SPATA13: variants seen among roughly 807,000 people sequenced by gnomAD.
The protein encoded by SPATA13 is spermatogenesis associated 13, also known as spermatogenesis-associated protein 13.
Under a neutral mutation model 104.0 loss-of-function variants are expected in SPATA13, and 50 were observed. That is an observed-to-expected ratio of 0.48 (90% CI 0.38 to 0.61). The LOEUF is 0.61. Ranked by LOEUF, SPATA13 falls within the 20% of genes least tolerant of loss-of-function variation. The pLI, the probability that SPATA13 is intolerant of heterozygous loss-of-function variation, is 0.00. For synonymous variants in SPATA13, 606 were observed against 667.5 expected, an observed-to-expected ratio of 0.91 and a Z score of 1.42; for missense variants, 1,524 against 1,690.6, an observed-to-expected ratio of 0.90 and a Z score of 1.73.
At chr13:24,015,039 C>T (rs896535702) in intron 2 of SPATA13, among the ~76,000 whole-genome samples, 4 of 151,810 alleles carry the variant, frequency 2.6e-5, no homozygotes, top group Admixed American at 1.3e-4. Context: ...TACAGGTACC[C>T]GCCACCACGC....
upstream of SPATA13, chr13:23,979,803 G>T: frequency 6.5e-6 from 1 of 152,768 alleles, no homozygotes; most frequent in Non-Finnish European, 1.5e-5. Flanking sequence ...CATGGGGGCG[G>T]CGCGCACCCG....
chr13:24,306,490 A>G lies in SPATA13; in HGVS notation c.*3717A>G, dbSNP rs1451666077. 1.3e-5 allele frequency: 2 copies of G among 152,254 alleles called. No homozygotes were observed. Among genetic ancestry groups the G allele is most frequent in the African/African-American group, 2.4e-5 (1 of 41,468 alleles). 9.4% of individuals were successfully genotyped at this position (152,254 alleles called of 1,614,324 possible). ...GGCCAGAAATGGAGGACCCAAGTCA[A>G]CTAGGTGAAACTACTAGCAGACCCA... On this transcript the variant is annotated 3_prime_UTR_variant, in exon 13 of 13. Transcript: ENST00000382108.
chr13:24,118,748 T>C (rs1880934992), intron 3 of SPATA13, among the ~76,000 whole-genome samples: 1 of 152,172 alleles, frequency 6.6e-6, no homozygotes, highest in South Asian at 2.1e-4. Context: ...TCTGCAGCCC[T>C]GGTGTGGTGC....
chr13:24,030,066 GCACA>G (rs57708966), intron 3 of SPATA13, among the ~76,000 whole-genome samples: 35,030 of 145,058 alleles, frequency 0.24, 4,308 homozygotes, highest in Admixed American at 0.29. Context: ...ACACACACAC[GCACA>G]CACACACACA....
intron 2 of SPATA13, among the ~76,000 whole-genome samples, chr13:24,009,197 C>T (rs1876362542): frequency 1.3e-5 from 2 of 152,218 alleles, no homozygotes; most frequent in South Asian, 2.1e-4. Flanking sequence ...GCATCCCAGA[C>T]ATCACCATGT....
At chr13:24,284,382 C>T in intron 5 of SPATA13, 111 bp downstream of exon 5, 1 of 1,187,298 alleles carries the variant, frequency 8.4e-7, no homozygotes, top group Admixed American at 2.7e-5. Context: ...GTCCGAAAAC[C>T]TGGAACTCTG....
chr13:24,155,045 C>T lies in SPATA13; in HGVS notation c.-111-67774C>T, dbSNP rs747295836. 1.4e-4 allele frequency among the ~76,000 whole-genome samples: 21 copies of T among 152,190 alleles called. No individual in the cohort carries two copies. The South Asian group carries it at 2.3e-3, about 17-fold the overall frequency. ...GCTGGTTTTTGTGTTTTTACTAGAG[C>T]CAGGGTTTCACCATGTTGGCTAGGC... On this transcript the variant is annotated intron_variant, in intron 3 of 14. Transcript: ENST00000424834.
chr13:24,139,409 A>G (rs1219763628), intron 3 of SPATA13, among the ~76,000 whole-genome samples: 1 of 152,200 alleles, frequency 6.6e-6, no homozygotes, highest in Non-Finnish European at 1.5e-5. Flanking sequence ...AGAAAATACA[A>G]ACAGGACGTT....
At chr13:24,173,156 C>T (rs1883053064) in intron 1 of SPATA13, among the ~76,000 whole-genome samples, 1 of 152,188 alleles carries the variant, frequency 6.6e-6, no homozygotes, top group Non-Finnish European at 1.5e-5. Flanking sequence ...TGGCTCACTG[C>T]ACCCTCCGCC....
intron 3 of SPATA13, among the ~76,000 whole-genome samples, chr13:24,144,176 G>T (rs534893529): frequency 6.6e-6 from 1 of 152,170 alleles, no homozygotes; most frequent in Admixed American, 6.5e-5. Flanking sequence ...AAGATGCTAA[G>T]CCCCTGCCTC....
At chr13:24,117,099 G>A (rs1880871698) in intron 3 of SPATA13, among the ~76,000 whole-genome samples, 1 of 152,180 alleles carries the variant, frequency 6.6e-6, no homozygotes, top group South Asian at 2.1e-4. Flanking sequence ...AGCTTACTAA[G>A]ATAATCAGTA....
chr13:24,098,559 T>C (rs1190576734), intron 3 of SPATA13, among the ~76,000 whole-genome samples: 4 of 147,292 alleles, frequency 2.7e-5, no homozygotes, highest in Non-Finnish European at 5.9e-5. Flanking sequence ...ATCACACCAC[T>C]GCAGTCCTGC....
chr13:24,276,454 C>T (rs1874988231), intron 4 of SPATA13, among the ~76,000 whole-genome samples: 1 of 152,090 alleles, frequency 6.6e-6, no homozygotes. Flanking sequence ...CTAAAGTAGT[C>T]AACATCATAG....
At chr13:24,220,745 C>T (rs1161838744) in intron 1 of SPATA13, among the ~76,000 whole-genome samples, 6 of 152,164 alleles carry the variant, frequency 3.9e-5, no homozygotes, top group Non-Finnish European at 7.3e-5. Context: ...TCTAAGTCAT[C>T]GTAGCCTCCC....
chr13:24,255,233 T>C (rs769748487), intron 4 of SPATA13, among the ~76,000 whole-genome samples: 4 of 152,058 alleles, frequency 2.6e-5, no homozygotes, highest in Non-Finnish European at 5.9e-5. Flanking sequence ...GGAGTTCTCT[T>C]TGAGAAGCTA....
intron 3 of SPATA13, among the ~76,000 whole-genome samples, chr13:24,044,622 C>T (rs749618593): frequency 6.6e-6 from 1 of 152,084 alleles, no homozygotes; most frequent in South Asian, 2.1e-4. Flanking sequence ...ATGATCGAAT[C>T]GGGGTAATTA....
intron 2 of SPATA13, among the ~76,000 whole-genome samples, chr13:24,235,052 C>T (rs562835758): frequency 1.1e-4 from 17 of 152,242 alleles, no homozygotes; most frequent in African/African-American, 3.1e-4. Flanking sequence ...CATGGTAAAT[C>T]GGGTTAATAG....
chr13:24,251,314 C>T (rs1005679344), intron 3 of SPATA13, among the ~76,000 whole-genome samples: 11 of 152,164 alleles, frequency 7.2e-5, no homozygotes, highest in South Asian at 2.1e-4. Context: ...CCACCCTGGC[C>T]GGGTTTGTGG....
rs1012310446 is a variant in SPATA13, at chr13:24,039,429, G to A, written c.-112+21728G>A. Among the ~76,000 whole-genome samples the A allele has an allele frequency of 1.6e-4, 24 of 152,296 alleles. No homozygotes were observed. In the East Asian group the frequency reaches 3.7e-3, roughly 23 times the overall value. On this transcript the variant is annotated intron_variant, in intron 3 of 14. Coordinates refer to the SPATA13 transcript ENST00000424834. ...GCACAAATATAGTGGAAGCAGATTC[G>A]CAGCTTCTCACAAGTTTAATCTTTA...
Sources: allele counts gnomAD v4.1 joint callset (sites outside exome capture counted in the v4.1 genomes callset), GRCh38; gene constraint gnomAD v4.1.1; transcripts MANE v1.5; gene names NCBI Gene and HGNC (gene_info 2026-07-23, HGNC 2026-07-21).